The following SNX7 variants were observed in gnomAD, a reference collection of about 807,000 sequenced individuals.
SNX7 encodes the protein sorting nexin-7.
Under a neutral mutation model 48.4 loss-of-function variants are expected in SNX7, and 35 were observed. That is an observed-to-expected ratio of 0.72 (90% CI 0.55 to 0.96). SNX7 has a LOEUF of 0.96. Ranked by LOEUF, SNX7 falls within the 40% of genes least tolerant of loss-of-function variation. SNX7 has a pLI of 0.00. For synonymous variants in SNX7, 190 were observed against 190.2 expected (o/e 1.00, Z 0.01); for missense variants, 553 against 548.9 (o/e 1.01, Z -0.07).
At chr1:98,709,782 C>T (rs529234587) in intron 7 of SNX7, among the ~76,000 whole-genome samples, 2 of 152,146 alleles carry the variant, frequency 1.3e-5, no homozygotes, top group East Asian at 1.9e-4. Context: ...TGATCCACTT[C>T]TGTCTAGAAA....
At position 98,674,103 on chromosome 1, in the gene SNX7, C is replaced by T. The variant is rs565006508; in HGVS notation, c.181-10782C>T. ...GTGGAAAAAAACATTCCCAGAAATT[C>T]CTGGAGTTGACTACTAACCTGTTAA... On this transcript the variant is annotated intron_variant, in intron 1 of 8. Coordinates refer to ENST00000306121, the MANE Select transcript of SNX7 (RefSeq NM_015976.5). Among the ~76,000 whole-genome samples, 7 of 152,232 alleles carry T rather than the reference C, an allele frequency of 4.6e-5. No homozygotes were observed. In the East Asian group the frequency reaches 1.4e-3, roughly 29 times the overall value.
intron 7 of SNX7, among the ~76,000 whole-genome samples, chr1:98,727,817 C>T (rs1424854052): frequency 1.3e-5 from 2 of 151,842 alleles, no homozygotes; most frequent in Non-Finnish European, 2.9e-5. Flanking sequence ...TGAAATAAGA[C>T]AGGCAGACAA....
At chr1:98,753,509 T>C (rs574561393) in intron 8 of SNX7, among the ~76,000 whole-genome samples, 2 of 152,210 alleles carry the variant, frequency 1.3e-5, no homozygotes, top group African/African-American at 4.8e-5. Flanking sequence ...TTGAATCACT[T>C]ATTTGACAGG....
intron 1 of SNX7, among the ~76,000 whole-genome samples, chr1:98,673,827 A>G (rs1017799849): frequency 4.6e-5 from 7 of 152,222 alleles, no homozygotes; most frequent in African/African-American, 1.4e-4. Context: ...TGTGGAGAGG[A>G]TTAAATGAAA....
At chr1:98,725,457 G>C (rs1413310670) in intron 7 of SNX7, among the ~76,000 whole-genome samples, 1 of 152,140 alleles carries the variant, frequency 6.6e-6, no homozygotes, top group Non-Finnish European at 1.5e-5. Flanking sequence ...ATTTCACAAG[G>C]GGGCACTGTG....
chr1:98,698,098 C>G (rs1264242291), intron 5 of SNX7, among the ~76,000 whole-genome samples: 2 of 152,092 alleles, frequency 1.3e-5, no homozygotes, highest in Non-Finnish European at 2.9e-5. Context: ...TGTTTCTATA[C>G]TCTGATAAAA....
At chr1:98,685,857 C>T (rs895177031) in intron 2 of SNX7, among the ~76,000 whole-genome samples, 1 of 152,092 alleles carries the variant, frequency 6.6e-6, no homozygotes. Context: ...TATCTTATTT[C>T]TTCACTTGAA....
chr1:98,726,423 A>G (rs1653173420), intron 7 of SNX7, among the ~76,000 whole-genome samples: 1 of 152,154 alleles, frequency 6.6e-6, no homozygotes, highest in African/African-American at 2.4e-5. Context: ...CAGGAAACTT[A>G]TCGTTGAGGC....
chr1:98,731,213 A>T (rs1050323270), intron 7 of SNX7, among the ~76,000 whole-genome samples: 19 of 151,434 alleles, frequency 1.3e-4, no homozygotes, highest in African/African-American at 4.4e-4. Flanking sequence ...GTTTTTTATA[A>T]GAATAAAAAT....
chr1:98,760,136 A>G lies in SNX7; in HGVS notation c.*5A>G, dbSNP rs747033699. 3 of 1,596,764 alleles carry G rather than the reference A, an allele frequency of 1.9e-6. No homozygotes were observed. The highest frequency in any genetic ancestry group is 1.7e-5 in the Admixed American group (1 of 59,814). ...GCCTCTGAAGATAAACCTTAATCCC[A>G]TTGAGGACTTCTGTTTGATCTTTGG... On this transcript the variant is annotated 3_prime_UTR_variant, in exon 9 of 9. Transcript: ENST00000306121.
chr1:98,691,947 T>A (rs1290825068), intron 4 of SNX7, among the ~76,000 whole-genome samples: 4 of 142,884 alleles, frequency 2.8e-5, no homozygotes, highest in East Asian at 2.0e-4. Flanking sequence ...ACTCTCTCTC[T>A]CTCTCTCTCT....
At chr1:98,735,903 A>ATTTG (rs1653753984) in intron 7 of SNX7, among the ~76,000 whole-genome samples, 2 of 152,156 alleles carry the variant, frequency 1.3e-5, no homozygotes, top group Non-Finnish European at 2.9e-5. Context: ...CTGTACTGAT[A>ATTTG]AGGCTACAGT....
intron 8 of SNX7, among the ~76,000 whole-genome samples, chr1:98,747,904 A>G (rs1424959107): frequency 6.6e-6 from 1 of 151,618 alleles, no homozygotes; most frequent in African/African-American, 2.4e-5. Context: ...GCTATAGCTC[A>G]TGTTTCCATC....
intron 8 of SNX7, among the ~76,000 whole-genome samples, chr1:98,744,010 G>A (rs1261259304): frequency 6.6e-6 from 1 of 151,992 alleles, no homozygotes; most frequent in Non-Finnish European, 1.5e-5. Flanking sequence ...ATCAGAAAAA[G>A]TATTGATATG....
Position 98,684,809 on chromosome 1 carries a change from T to C in SNX7, c.181-76T>C, listed in dbSNP as rs1282617335. 2.9e-6 allele frequency: 3 copies of C among 1,026,534 alleles called. No individual in the cohort carries two copies. The African/African-American group carries it at 4.9e-5, about 17-fold the overall frequency. 63.6% of individuals were successfully genotyped at this position (1,026,534 alleles called of 1,614,324 possible). ...CCCTTTTGTTCTTGATATATTTCAT[T>C]AATATTGATAGCATCTAGAAATAGA... On this transcript the variant is annotated intron_variant, in intron 1 of 8. Transcript: ENST00000306121.
chr1:98,710,398 T>C (rs1020151530), intron 7 of SNX7, among the ~76,000 whole-genome samples: 4 of 152,098 alleles, frequency 2.6e-5, no homozygotes, highest in Non-Finnish European at 5.9e-5. Context: ...TGCAGATAAT[T>C]TCTAACGAAA....
At chr1:98,746,903 G>C (rs374337381) in intron 8 of SNX7, among the ~76,000 whole-genome samples, 1 of 151,976 alleles carries the variant, frequency 6.6e-6, no homozygotes. Context: ...TCAAGCCAAA[G>C]TTAGTTTGAA....
At chr1:98,663,494 G>A (rs933743656) in intron 1 of SNX7, among the ~76,000 whole-genome samples, 7 of 151,904 alleles carry the variant, frequency 4.6e-5, no homozygotes, top group Non-Finnish European at 5.9e-5. Context: ...CAGATCCAAG[G>A]TGAAGCTAAT....
intron 1 of SNX7, among the ~76,000 whole-genome samples, chr1:98,666,176 A>C (rs960675173): frequency 3.3e-5 from 5 of 152,242 alleles, no homozygotes; most frequent in African/African-American, 7.2e-5. Flanking sequence ...CCAATGATTT[A>C]AATGAGAGTT....
Sources: gnomAD v4.1 joint callset for allele counts (sites outside exome capture counted in the v4.1 genomes callset) on GRCh38, gnomAD v4.1.1 for gene constraint, MANE v1.5 for transcripts, NCBI Gene and HGNC (gene_info 2026-07-23, HGNC 2026-07-21) for gene names.